TRPM1: variants seen among roughly 807,000 people sequenced by gnomAD.
TRPM1 encodes TRPM1-203 APA Isoform, Intron 10.
In TRPM1, 113 loss-of-function variants were observed where a neutral mutation model predicts 149.4. The ratio of observed to expected loss-of-function variants is 0.76; its 90% CI spans 0.65 to 0.88. TRPM1 has a LOEUF of 0.88. Among genes scored for constraint, TRPM1 ranks in the 40% least tolerant of loss-of-function variants. TRPM1 has a pLI of 0.00. For missense variants in TRPM1, 1,976 were observed against 2,038.7 expected (o/e 0.97, Z 0.59); for synonymous variants, 741 against 759.5 (o/e 0.98, Z 0.40).
intron 11 of TRPM1, among the ~76,000 whole-genome samples, chr15:31,058,426 C>T (rs1439123945): frequency 3.3e-5 from 5 of 152,346 alleles, no homozygotes; most frequent in African/African-American, 1.2e-4. Flanking sequence ...TTCCCTTCTC[C>T]TTGACTTCAA....
intron 27 of TRPM1, among the ~76,000 whole-genome samples, chr15:31,018,724 G>C (rs1288764658): frequency 1.3e-5 from 2 of 152,156 alleles, no homozygotes; most frequent in Admixed American, 6.5e-5. Context: ...GGAGTGCAGG[G>C]GTGCAATCTT....
At chr15:31,087,094 G>A (rs2035021819) in intron 1 of TRPM1, among the ~76,000 whole-genome samples, 1 of 151,966 alleles carries the variant, frequency 6.6e-6, no homozygotes, top group African/African-American at 2.4e-5. Flanking sequence ...GTGAGGATGT[G>A]GAGAAATCGG....
chr15:31,159,134 T>G (rs1049173152), intron 1 of TRPM1, among the ~76,000 whole-genome samples: 1 of 151,892 alleles, frequency 6.6e-6, no homozygotes, highest in African/African-American at 2.4e-5. Flanking sequence ...AGTAATGCAG[T>G]GTGAGGTCCT....
intron 22 of TRPM1, 52 bp from the exon 23 acceptor site, chr15:31,031,209 C>G (rs1231001561): frequency 6.3e-7 from 1 of 1,597,132 alleles, no homozygotes; most frequent in Non-Finnish European, 8.6e-7. Flanking sequence ...GGGCCAAGTT[C>G]ACCCTGGCTC....
intron 15 of TRPM1, 106 bp from the exon 16 acceptor site, chr15:31,046,339 C>G: frequency 9.9e-7 from 1 of 1,007,838 alleles, no homozygotes; most frequent in South Asian, 1.3e-5. Context: ...GATTAAAAAG[C>G]ACTTTGTATC....
intron 21 of TRPM1, among the ~76,000 whole-genome samples, chr15:31,034,773 C>T (rs143720131): frequency 1.3e-5 from 2 of 152,340 alleles, no homozygotes; most frequent in African/African-American, 4.8e-5. Flanking sequence ...AATAACTAAG[C>T]CAAAATTTGT....
In TRPM1 at chr15:31,035,550, C is replaced by T. The variant is rs750918705; in HGVS notation, c.2696G>A (p.Arg899Gln). ...YIVSLALEKI[R>Q]EILMSEPGKL... ...GGAGGCCTTTGGAGTAGCCACCTCT[C>T]GTATCTTCTCTAACGCCAGGCTCAC... Residue 899 changes from arginine (R) to glutamine (Q), a missense_variant, in exon 21 of 28, where the codon CGA becomes CAA. By Grantham distance (43) the Arg-to-Gln change is conservative. Coordinates refer to ENST00000256552, the MANE Select transcript of TRPM1 (RefSeq NM_001252024.2). 6 of 1,613,996 alleles carry T rather than the reference C, an allele frequency of 3.7e-6. No homozygotes were observed. The highest frequency in any genetic ancestry group is 4.5e-5 in the East Asian group (2 of 44,898).
At chr15:31,033,931 C>G (rs977242315) in intron 21 of TRPM1, among the ~76,000 whole-genome samples, 5 of 152,138 alleles carry the variant, frequency 3.3e-5, no homozygotes, top group Admixed American at 2.0e-4. Context: ...ATTCAGTGCT[C>G]TTTTGGTTTT....
chr15:31,030,292 T>G (rs1343958198), intron 23 of TRPM1, among the ~76,000 whole-genome samples: 3 of 152,240 alleles, frequency 2.0e-5, no homozygotes, highest in African/African-American at 7.2e-5. Context: ...ATGAAAATGT[T>G]GGTCCTGAAA....
chr15:31,039,588 G>C (rs927140961), intron 18 of TRPM1, among the ~76,000 whole-genome samples: 3 of 152,196 alleles, frequency 2.0e-5, no homozygotes, highest in African/African-American at 4.8e-5. Context: ...CCAAGAGCTA[G>C]GGTTTGATTG....
chr15:31,102,525 T>C (rs1048070148), upstream of TRPM1, among the ~76,000 whole-genome samples: 1 of 152,202 alleles, frequency 6.6e-6, no homozygotes, highest in Non-Finnish European at 1.5e-5. Flanking sequence ...GTTCCCATTT[T>C]ACAGATGAGG....
chr15:31,044,608 C>A (rs1423902965), intron 16 of TRPM1, among the ~76,000 whole-genome samples: 1 of 151,842 alleles, frequency 6.6e-6, no homozygotes, highest in Admixed American at 6.6e-5. Flanking sequence ...TGGTGAAGCC[C>A]CATCTCTACT....
chr15:31,030,336 T>A (rs1452990281), intron 23 of TRPM1, among the ~76,000 whole-genome samples: 1 of 148,654 alleles, frequency 6.7e-6, no homozygotes, highest in Admixed American at 6.6e-5. Context: ...CCTTCACTGG[T>A]GGAACATTTA....
At chr15:31,150,602 AT>A (rs2036288234) in intron 1 of TRPM1, among the ~76,000 whole-genome samples, 1 of 151,660 alleles carries the variant, frequency 6.6e-6, no homozygotes. Context: ...CGCCCAGAAA[AT>A]TTTTGTATTT....
intron 2 of TRPM1, among the ~76,000 whole-genome samples, chr15:31,077,625 G>A (rs1319445572): frequency 2.6e-5 from 4 of 152,104 alleles, no homozygotes; most frequent in South Asian, 2.1e-4. Context: ...CAGGGGCCTC[G>A]GGGATCCCTG....
At chr15:31,060,120 C>CAGACACACACTT (rs1278676558) in intron 11 of TRPM1, 1 of 90,738 alleles carries the variant, frequency 1.1e-5, no homozygotes, top group Non-Finnish European at 2.2e-5. Flanking sequence ...TACACACATA[C>CAGACACACACTT]AGACACACAC....
chr15:31,037,408 T>C (rs574436724), intron 20 of TRPM1, among the ~76,000 whole-genome samples: 2 of 152,372 alleles, frequency 1.3e-5, no homozygotes, highest in South Asian at 4.1e-4. Context: ...AATAAAATTA[T>C]AGTTCCTTAA....
chr15:31,037,877 G>A, intron 19 of TRPM1, 35 bp from the exon 20 acceptor site: 1 of 1,613,900 alleles, frequency 6.2e-7, no homozygotes, highest in South Asian at 1.1e-5. Context: ...ACAGGCAGGT[G>A]GCTAAATGGG....
chr15:31,049,876 G>A (rs2033898856), intron 12 of TRPM1, among the ~76,000 whole-genome samples: 1 of 152,122 alleles, frequency 6.6e-6, no homozygotes, highest in Non-Finnish European at 1.5e-5. Context: ...GTGCCGTGTG[G>A]GTGAGTGACT....
Sources: allele counts gnomAD v4.1 joint callset (sites outside exome capture counted in the v4.1 genomes callset), GRCh38; gene constraint gnomAD v4.1.1; transcripts MANE v1.5; gene names NCBI Gene and HGNC (gene_info 2026-07-23, HGNC 2026-07-21).